Variants in PKP2 observed in about 807,000 individuals in gnomAD.
PKP2 encodes plakophilin-2.
In PKP2, 73 loss-of-function variants were observed where a neutral mutation model predicts 83.4. The ratio of observed to expected loss-of-function variants is 0.88; its 90% CI spans 0.72 to 1.06. The LOEUF (loss-of-function observed/expected upper bound fraction) is 1.06, where lower values mean the gene tolerates loss of function less well. Among genes scored for constraint, PKP2 ranks in the 50% least tolerant of loss-of-function variants. The probability of loss-of-function intolerance (pLI) is 0.00; values close to 1 mark genes in which losing one functional copy is unlikely to be tolerated. For synonymous variants in PKP2, 409 were observed against 430.4 expected (o/e 0.95, Z 0.62); for missense variants, 966 against 1,065.4 (o/e 0.91, Z 1.30).
rs1476647348 is a variant in PKP2, at chr12:32,791,334, G to A, written c.*1090C>T. On this transcript the variant is annotated 3_prime_UTR_variant, in exon 13 of 13. Coordinates refer to ENST00000340811, the MANE Select transcript of PKP2 (RefSeq NM_001005242.3). ...CTTTTCTTCTCTAGAGTTTTCTTGA[G>A]TTAAAATAATGGCTTGAAGAAGATC... is the stretch of plus-strand genomic sequence containing the variant. The A allele has an allele frequency of 1.3e-5, 2 of 152,074 alleles. No homozygotes were observed. Among genetic ancestry groups the A allele is most frequent in the Admixed American group, 1.3e-4 (2 of 15,268 alleles). 9.4% of individuals were successfully genotyped at this position (152,074 alleles called of 1,614,324 possible). A position where few individuals can be genotyped will look rare whatever the true frequency, so the allele number is the denominator to read the frequency against.
At chr12:32,802,338 C>G in intron 10 of PKP2, 65 bp downstream of exon 10, 1 of 1,512,440 alleles carries the variant, frequency 6.6e-7, no homozygotes, top group Non-Finnish European at 9.2e-7. Context: ...GTGATACAGA[C>G]AACATTTCAT....
At chr12:32,887,206 C>T (rs1458605867) in intron 1 of PKP2, among the ~76,000 whole-genome samples, 1 of 152,086 alleles carries the variant, frequency 6.6e-6, no homozygotes, top group Admixed American at 6.6e-5. Context: ...GTTCTTAAAA[C>T]GTTGAATATG....
intron 3 of PKP2, among the ~76,000 whole-genome samples, chr12:32,871,068 C>G (rs1180837647): frequency 6.6e-6 from 1 of 152,068 alleles, no homozygotes; most frequent in Non-Finnish European, 1.5e-5. Flanking sequence ...CTCCATAACA[C>G]GGCATACATT....
chr12:32,837,454 G>A (rs1565585646), intron 6 of PKP2, among the ~76,000 whole-genome samples: 1 of 152,132 alleles, frequency 6.6e-6, no homozygotes, highest in Non-Finnish European at 1.5e-5. Context: ...ATTTAGAGCA[G>A]TTTCTAGAAC....
intron 3 of PKP2, among the ~76,000 whole-genome samples, chr12:32,870,545 A>G (rs1381229714): frequency 2.0e-5 from 3 of 152,200 alleles, no homozygotes; most frequent in East Asian, 1.9e-4. Flanking sequence ...TATTACCACT[A>G]AAACTAGAAT....
At chr12:32,880,784 G>GC in intron 1 of PKP2, among the ~76,000 whole-genome samples, 1 of 45,368 alleles carries the variant, frequency 2.2e-5, no homozygotes, top group African/African-American at 9.2e-5. Flanking sequence ...CCTTCTCTCA[G>GC]CTTTTTTTGA....
intron 4 of PKP2, among the ~76,000 whole-genome samples, chr12:32,855,480 A>G (rs924313497): frequency 4.6e-5 from 7 of 152,244 alleles, no homozygotes; most frequent in African/African-American, 1.7e-4. Context: ...TGTCATTTAA[A>G]AAATGGAATA....
intron 9 of PKP2, among the ~76,000 whole-genome samples, chr12:32,813,862 CAT>C (rs1382549753): frequency 6.6e-6 from 1 of 151,824 alleles, no homozygotes; most frequent in Non-Finnish European, 1.5e-5. Flanking sequence ...GTTATTAAAA[CAT>C]AACTTTTATT....
At position 32,874,919 on chromosome 12, in the gene PKP2, T is replaced by C. The variant is rs1481112015; in HGVS notation, c.1034+2927A>G. Among the ~76,000 whole-genome samples, 4 of 152,018 alleles carry C rather than the reference T, an allele frequency of 2.6e-5. No homozygotes were observed. In the East Asian group the frequency reaches 7.7e-4, roughly 29 times the overall value. The stretch of plus-strand genomic sequence containing the variant: ...TCACGCCAGGCTAAGTTGTTTATCT[T>C]TAATAGAAGTGGGGTCTCGGGGTCT... On this transcript the variant is annotated intron_variant, in intron 3 of 12. Coordinates refer to ENST00000340811, the MANE Select transcript of PKP2 (RefSeq NM_001005242.3).
chr12:32,810,588 T>A (rs911999033), intron 9 of PKP2, among the ~76,000 whole-genome samples: 5 of 152,228 alleles, frequency 3.3e-5, no homozygotes, highest in African/African-American at 9.6e-5. Context: ...AGTGTTTTTT[T>A]AATCTACTCT....
intron 9 of PKP2, among the ~76,000 whole-genome samples, chr12:32,811,568 T>C (rs1421027873): frequency 1.3e-5 from 2 of 152,244 alleles, no homozygotes; most frequent in East Asian, 3.8e-4. Flanking sequence ...CAGTTCATCA[T>C]TGGCCTTTGT....
At chr12:32,802,328 G>T in intron 10 of PKP2, 75 bp downstream of exon 10, 1 of 1,429,814 alleles carries the variant, frequency 7.0e-7, no homozygotes, top group Non-Finnish European at 9.8e-7. Flanking sequence ...TGAACGGGAG[G>T]TGATACAGAC....
chr12:32,886,584 A>G (rs1474015590), intron 1 of PKP2, among the ~76,000 whole-genome samples: 1 of 152,222 alleles, frequency 6.6e-6, no homozygotes. Flanking sequence ...TTAAAACTAT[A>G]TTTTATCTTC....
At chr12:32,805,107 AAG>A (rs1347932121) in intron 9 of PKP2, among the ~76,000 whole-genome samples, 2 of 151,666 alleles carry the variant, frequency 1.3e-5, no homozygotes, top group African/African-American at 4.8e-5. Context: ...TTCTTTTGAG[AAG>A]AGTCTGTTCA....
chr12:32,829,880 C>T (rs1057114664), intron 6 of PKP2, among the ~76,000 whole-genome samples: 4 of 152,038 alleles, frequency 2.6e-5, no homozygotes, highest in African/African-American at 9.7e-5. Context: ...AGGCTACTCT[C>T]GAACTCCTGA....
intron 3 of PKP2, among the ~76,000 whole-genome samples, chr12:32,875,448 A>T (rs1357985784): frequency 6.6e-6 from 1 of 152,128 alleles, no homozygotes; most frequent in East Asian, 1.9e-4. Flanking sequence ...ATGTTTGGGG[A>T]TGGTGGTGAT....
In PKP2 at chr12:32,896,600, G is replaced by A. The variant is rs1957127710; in HGVS notation, c.132C>T (p.Ser44=). ...TCTTGACTGTCTGGCCGCCGCGGCC[G>A]CTGCTCCCCGCCAGCTTCAGCTTGG... ...SEAKLKLAGS[S]GRGGQTVKSL... The change falls in exon 1 of 13, where the codon AGC becomes AGT. Residue 44 remains serine (S), a synonymous_variant. Coordinates refer to ENST00000340811, the MANE Select transcript of PKP2 (RefSeq NM_001005242.3). 2.5e-6 allele frequency: 4 copies of A among 1,584,626 alleles called. No homozygotes were observed. The highest frequency in any genetic ancestry group is 2.3e-5 in the East Asian group (1 of 43,936).
At chr12:32,813,849 T>A (rs1956298301) in intron 9 of PKP2, among the ~76,000 whole-genome samples, 1 of 152,208 alleles carries the variant, frequency 6.6e-6, no homozygotes, top group Admixed American at 6.5e-5. Flanking sequence ...ACTCTGTTTA[T>A]TAGTTATTAA....
chr12:32,806,383 A>C (rs976036257), intron 9 of PKP2, among the ~76,000 whole-genome samples: 3 of 152,112 alleles, frequency 2.0e-5, no homozygotes, highest in Non-Finnish European at 4.4e-5. Flanking sequence ...TACTACCTCA[A>C]TTTTAGAACT....
Sources: gnomAD v4.1 joint callset for allele counts (sites outside exome capture counted in the v4.1 genomes callset) on GRCh38, gnomAD v4.1.1 for gene constraint, MANE v1.5 for transcripts, NCBI Gene and HGNC (gene_info 2026-07-23, HGNC 2026-07-21) for gene names.